The following PIEZO2 variants were observed in gnomAD, a reference collection of about 807,000 sequenced individuals.
The protein encoded by PIEZO2 is piezo type mechanosensitive ion channel component 2.
Under a neutral mutation model 337.3 loss-of-function variants are expected in PIEZO2, and 172 were observed. That is an observed-to-expected ratio of 0.51 (90% CI 0.45 to 0.58). The LOEUF (loss-of-function observed/expected upper bound fraction) is 0.58. Among genes scored for constraint, PIEZO2 ranks in the 20% least tolerant of loss-of-function variants. The probability of loss-of-function intolerance (pLI) is 0.00; values close to 1 mark genes in which losing one functional copy is unlikely to be tolerated. For missense variants in PIEZO2, 3,028 were observed against 3,391.3 expected, an observed-to-expected ratio of 0.89 and a Z score of 2.66; for synonymous variants, 1,251 against 1,228.5, an observed-to-expected ratio of 1.02 and a Z score of -0.38.
At chr18:10,753,824 CT>C (rs2037737805) in intron 27 of PIEZO2, among the ~76,000 whole-genome samples, 1 of 152,098 alleles carries the variant, frequency 6.6e-6, no homozygotes, top group Non-Finnish European at 1.5e-5. Flanking sequence ...ACCCTTTATT[CT>C]TTTTAAAGTA....
rs990229106 is a variant in PIEZO2, at chr18:10,894,185, G to A, written c.329+17001C>T. Among the ~76,000 whole-genome samples the A allele has an allele frequency of 6.6e-6, 1 of 152,164 alleles. No individual in the cohort carries two copies. The stretch of plus-strand genomic sequence containing the variant: ...GAGGCAAAATGGGCCAAGTGCGGTG[G>A]CTCACACCTGTAATCCCAGCACTCT... On this transcript the variant is annotated intron_variant, in intron 4 of 55. Coordinates refer to ENST00000674853, the MANE Select transcript of PIEZO2 (RefSeq NM_001378183.1). This position sits in a 1 kb window ranked among gnomAD's most constrained non-coding sequence, Gnocchi z 4.1.
At chr18:10,934,604 A>G (rs2032272429) in intron 3 of PIEZO2, among the ~76,000 whole-genome samples, 1 of 149,536 alleles carries the variant, frequency 6.7e-6, no homozygotes, top group Admixed American at 6.7e-5. Context: ...ATTAGAAAAG[A>G]GGAGGGTTAG....
Position 10,704,633 on chromosome 18 carries a change from G to C in PIEZO2, c.6019C>G (p.Leu2007Val). The part of the protein sequence containing the change: ...LLKKMFHDDE[L>V]EESEKFYVGQ... Reference sequence around the variant, plus strand: ...ACGTAGAATTTCTCTGACTCTTCAAGCTCATCGTCGTGAAACATCCTGTTA... The same window carrying C: ...ACGTAGAATTTCTCTGACTCTTCAACCTCATCGTCGTGAAACATCCTGTTA... The change falls in exon 42 of 56, where the codon CTT becomes GTT. Residue 2007 changes from leucine (L) to valine (V), a missense_variant. Physicochemically the swap from Leu to Val is conservative, Grantham distance 32. Around this residue, in one of 5 missense-constraint regions of PIEZO2, gnomAD observed 1,925 missense variants for 2,051.9 expected, o/e 0.94. Coordinates refer to ENST00000674853, the MANE Select transcript of PIEZO2 (RefSeq NM_001378183.1). 6.5e-7 allele frequency: 1 copy of C among 1,536,768 alleles called. No homozygotes were observed.
rs933116730 is a variant in PIEZO2, at chr18:11,148,861, A to T, written c.-273T>A. ...CCGGCCCCCTGCGGCCGGCCCATTT[A>T]GTGTGAATCCTGGATCCGGCAGCGG... is the stretch of plus-strand genomic sequence containing the variant. On this transcript the variant is annotated 5_prime_UTR_variant, in exon 1 of 56. Transcript: ENST00000674853. The surrounding 1 kb of genome is among the most constrained non-coding windows in gnomAD (Gnocchi z 5.2). 1 of 407,814 alleles carries T rather than the reference A, an allele frequency of 2.5e-6. No individual in the cohort carries two copies. The highest frequency in any genetic ancestry group is 4.3e-6 in the Non-Finnish European group (1 of 232,544). 25.3% of individuals were successfully genotyped at this position (407,814 alleles called of 1,614,324 possible).
At chr18:10,738,422 T>G (rs919288725) in intron 33 of PIEZO2, 3 of 152,188 alleles carry the variant, frequency 2.0e-5, no homozygotes, top group Non-Finnish European at 4.4e-5. Context: ...GTAACATTGA[T>G]TTTACCATTA....
intron 2 of PIEZO2, among the ~76,000 whole-genome samples, chr18:10,986,252 T>C (rs1210526404): frequency 2.0e-5 from 3 of 151,982 alleles, no homozygotes; most frequent in Non-Finnish European, 2.9e-5. Flanking sequence ...AGCATTGCCT[T>C]GATATCAATG....
chr18:10,984,677 T>A (rs1322141975), intron 2 of PIEZO2, among the ~76,000 whole-genome samples: 2 of 152,144 alleles, frequency 1.3e-5, no homozygotes, highest in East Asian at 3.8e-4. Context: ...GCTTTCTTAA[T>A]GATATAATGA....
At chr18:10,914,713 C>T (rs892540650) in intron 3 of PIEZO2, among the ~76,000 whole-genome samples, 65 of 152,178 alleles carry the variant, frequency 4.3e-4, no homozygotes, top group Admixed American at 4.6e-4. Flanking sequence ...TTAGATGAAG[C>T]AGTTAGAAAT....
At chr18:10,799,339 CT>C (rs1416969131) in intron 11 of PIEZO2, among the ~76,000 whole-genome samples, 1 of 152,208 alleles carries the variant, frequency 6.6e-6, no homozygotes, top group Non-Finnish European at 1.5e-5. Flanking sequence ...CAATTGGTCC[CT>C]TGCAGGGGCA....
intron 2 of PIEZO2, among the ~76,000 whole-genome samples, chr18:11,022,406 A>AAAGC (rs2036343873): frequency 6.6e-6 from 1 of 152,232 alleles, no homozygotes; most frequent in Non-Finnish European, 1.5e-5. Flanking sequence ...GCATGGTAGC[A>AAAGC]AAGCACTGCA....
chr18:10,788,899 T>C (rs2039318739), intron 15 of PIEZO2, among the ~76,000 whole-genome samples, 180 bp downstream of exon 15: 1 of 152,190 alleles, frequency 6.6e-6, no homozygotes, highest in Admixed American at 6.5e-5. Flanking sequence ...AATTCTGAAA[T>C]AGTAAACAAG....
chr18:10,880,869 A>C (rs1418506984), intron 4 of PIEZO2, among the ~76,000 whole-genome samples: 1 of 63,902 alleles, frequency 1.6e-5, no homozygotes, highest in East Asian at 4.9e-4. Context: ...ATATATATAT[A>C]TATATATATA....
At chr18:10,793,985 G>A (rs1042727315) in intron 13 of PIEZO2, among the ~76,000 whole-genome samples, 3 of 151,968 alleles carry the variant, frequency 2.0e-5, no homozygotes, top group African/African-American at 4.8e-5. Flanking sequence ...CCCTTAAAGC[G>A]GGCACTTGCT....
At chr18:10,970,070 C>G (rs2034172670) in intron 3 of PIEZO2, among the ~76,000 whole-genome samples, 1 of 152,116 alleles carries the variant, frequency 6.6e-6, no homozygotes, top group African/African-American at 2.4e-5. Flanking sequence ...CATATAAAAT[C>G]AGTGATTATC....
chr18:10,802,011 G>A (rs7227038), intron 9 of PIEZO2, among the ~76,000 whole-genome samples: 41,538 of 149,118 alleles, frequency 0.28, 6,799 homozygotes, highest in Middle Eastern at 0.39. Context: ...GCGTGAACCC[G>A]GGAGGCGGAG....
rs1004143059 is a variant in PIEZO2 at position 10,847,534 on chromosome 18, T to G, written c.917+7819A>C. On this transcript the variant is annotated intron_variant, in intron 7 of 55. Coordinates refer to ENST00000674853, the MANE Select transcript of PIEZO2 (RefSeq NM_001378183.1). The surrounding 1 kb of genome is among the most constrained non-coding windows in gnomAD (Gnocchi z 5.7). ...AAGCCACAGTTGCTTTTGTACCCAG[T>G]ACAGGTGTCGTGGCTGAGTAGGACA... is the stretch of plus-strand genomic sequence containing the variant. 6.6e-6 allele frequency among the ~76,000 whole-genome samples: 1 copy of G among 152,184 alleles called. No homozygotes were observed. The highest frequency in any genetic ancestry group is 1.5e-5 in the Non-Finnish European group (1 of 68,026).
Position 10,872,011 on chromosome 18 carries a change from T to C in PIEZO2, c.330-596A>G, listed in dbSNP as rs2042151538. Among the ~76,000 whole-genome samples, 1 of 152,314 alleles carries C rather than the reference T, an allele frequency of 6.6e-6. No homozygotes were observed. Among genetic ancestry groups the C allele is most frequent in the Non-Finnish European group, 1.5e-5 (1 of 68,028 alleles). On this transcript the variant is annotated intron_variant, in intron 4 of 55. Coordinates refer to ENST00000674853, the MANE Select transcript of PIEZO2 (RefSeq NM_001378183.1). This position sits in a 1 kb window ranked among gnomAD's most constrained non-coding sequence, Gnocchi z 4.3. Reference sequence around the variant, plus strand: ...CTGAAACTTAGTAGTTGCATCCTGCTGGGGGCTTCTCACAGCCATCTGTTC... The same window carrying C: ...CTGAAACTTAGTAGTTGCATCCTGCCGGGGGCTTCTCACAGCCATCTGTTC...
At chr18:11,139,710 A>T (rs2055404658) in intron 1 of PIEZO2, among the ~76,000 whole-genome samples, 1 of 152,198 alleles carries the variant, frequency 6.6e-6, no homozygotes, top group South Asian at 2.1e-4. Context: ...AATAAAATAA[A>T]AATGTAATCA....
In PIEZO2 at chr18:10,903,513, A is replaced by T. The variant is rs1030319793; in HGVS notation, c.329+7673T>A. 1.3e-5 allele frequency among the ~76,000 whole-genome samples: 2 copies of T among 151,876 alleles called. No homozygotes were observed. The highest frequency in any genetic ancestry group is 1.3e-4 in the Admixed American group (2 of 15,230). On this transcript the variant is annotated intron_variant, in intron 4 of 55. Transcript: ENST00000674853. The surrounding 1 kb of genome is among the most constrained non-coding windows in gnomAD (Gnocchi z 4.1). ...GTGAAACCCCGTCTCTACCAAAAAT[A>T]AAAAAAATTAGCTGGGCATAGTGGC...
Sources: allele counts gnomAD v4.1 joint callset (sites outside exome capture counted in the v4.1 genomes callset), GRCh38; gene constraint gnomAD v4.1.1; regional missense constraint gnomAD v4.1.1; non-coding constraint Gnocchi (gnomAD v3.1); transcripts MANE v1.5; gene names NCBI Gene and HGNC (gene_info 2026-07-23, HGNC 2026-07-21).